The following FAM114A1 variants were observed in gnomAD, a reference collection of about 807,000 sequenced individuals.
The protein encoded by FAM114A1 is protein NOXP20.
FAM114A1 carries 62 observed loss-of-function variants against 64.3 expected under a neutral mutation model. The ratio of observed to expected loss-of-function variants is 0.96; its 90% CI spans 0.79 to 1.19. The LOEUF (loss-of-function observed/expected upper bound fraction) is 1.19, where lower values mean the gene tolerates loss of function less well. Ranked by LOEUF, FAM114A1 falls within the 50% of genes most tolerant of loss-of-function variation. FAM114A1 has a pLI of 0.00. For synonymous variants in FAM114A1, 254 were observed against 251.1 expected (o/e 1.01, Z -0.11); for missense variants, 645 against 676.3 (o/e 0.95, Z 0.51).
In FAM114A1 at chr4:38,868,380, T is replaced by G. The variant is rs1325325216; in HGVS notation, c.-157-18T>G. ...CCTTGACCTCCCCGCTCCCCTCGCC[T>G]TACTCCTCCCCCAACAGCCGACCCA... On this transcript the variant is annotated intron_variant, in intron 1 of 14. Transcript: ENST00000358869. 2 of 152,828 alleles carry G rather than the reference T, an allele frequency of 1.3e-5. No individual in the cohort carries two copies. The highest frequency in any genetic ancestry group is 2.9e-5 in the Non-Finnish European group (2 of 68,484). 9.5% of individuals were successfully genotyped at this position (152,828 alleles called of 1,614,324 possible). A position where few individuals can be genotyped will look rare whatever the true frequency, so the allele number is the denominator to read the frequency against.
chr4:38,900,387 C>T (rs1363723437), intron 4 of FAM114A1, among the ~76,000 whole-genome samples: 1 of 152,070 alleles, frequency 6.6e-6, no homozygotes, highest in African/African-American at 2.4e-5. Flanking sequence ...ACCAATTCCA[C>T]TTCTGATTAT....
chr4:38,942,238 C>T (rs1721632650), intron 14 of FAM114A1, among the ~76,000 whole-genome samples: 1 of 152,134 alleles, frequency 6.6e-6, no homozygotes, highest in Non-Finnish European at 1.5e-5. Context: ...ATATCAGCTA[C>T]CTATATATTT....
intron 13 of FAM114A1, among the ~76,000 whole-genome samples, chr4:38,937,632 G>A (rs1265375549): frequency 6.6e-6 from 1 of 152,154 alleles, no homozygotes; most frequent in African/African-American, 2.4e-5. Flanking sequence ...ATACCAGGAA[G>A]CAATAGAAAC....
At chr4:38,899,588 A>G (rs1202176554) in intron 4 of FAM114A1, among the ~76,000 whole-genome samples, 4 of 152,232 alleles carry the variant, frequency 2.6e-5, no homozygotes, top group African/African-American at 7.2e-5. Flanking sequence ...CAGGTCCAGA[A>G]GACTTATATT....
intron 3 of FAM114A1, among the ~76,000 whole-genome samples, chr4:38,879,876 C>G (rs1329077077): frequency 1.3e-5 from 2 of 151,884 alleles, no homozygotes; most frequent in African/African-American, 4.8e-5. Flanking sequence ...GTATTGAAGC[C>G]TGGGCAATGT....
At chr4:38,896,332 T>C (rs970478781) in intron 4 of FAM114A1, among the ~76,000 whole-genome samples, 1 of 152,172 alleles carries the variant, frequency 6.6e-6, no homozygotes, top group Non-Finnish European at 1.5e-5. Context: ...ACTGCATATT[T>C]TGGAGATTTC....
chr4:38,908,387 T>C (rs989354666), intron 6 of FAM114A1, among the ~76,000 whole-genome samples: 1 of 152,204 alleles, frequency 6.6e-6, no homozygotes. Context: ...TTAATAACAT[T>C]GTATGTCCTA....
intron 6 of FAM114A1, among the ~76,000 whole-genome samples, chr4:38,907,598 C>G (rs909137629): frequency 2.6e-5 from 4 of 152,124 alleles, no homozygotes; most frequent in Non-Finnish European, 5.9e-5. Flanking sequence ...TGATTTACAG[C>G]ATGATTACTG....
At chr4:38,895,411 G>A (rs1256428509) in intron 4 of FAM114A1, among the ~76,000 whole-genome samples, 13 of 152,184 alleles carry the variant, frequency 8.5e-5, no homozygotes, top group African/African-American at 2.9e-4. Flanking sequence ...TTTTAAAGAC[G>A]CTCCTGATTA....
Position 38,929,480 on chromosome 4 carries a change from A to G in FAM114A1, c.1161+147A>G, listed in dbSNP as rs1398013961. 6 of 641,320 alleles carry G rather than the reference A, an allele frequency of 9.4e-6. No individual in the cohort carries two copies. In the East Asian group the frequency reaches 1.4e-4, roughly 15 times the overall value. The allele number at this position is 641,320 out of a possible 1,614,324, so 39.7% of individuals were successfully genotyped here. A position where few individuals can be genotyped will look rare whatever the true frequency, so the allele number is the denominator to read the frequency against. ...CCGGGAGAGGAGTTTGAGGTCAGTA[A>G]TTAAGATTTGAGGAGGGGCTGGGCA... On this transcript the variant is annotated intron_variant, in intron 10 of 14. Transcript: ENST00000358869.
chr4:38,878,220 C>T lies in FAM114A1; in HGVS notation c.142C>T (p.Pro48Ser). 1 of 1,614,212 alleles carries T rather than the reference C, an allele frequency of 6.2e-7. No homozygotes were observed. Among genetic ancestry groups the T allele is most frequent in the South Asian group, 1.1e-5 (1 of 91,090 alleles). Residue 48 changes from proline to serine, a missense_variant, in exon 3 of 15, where the codon CCC (proline) becomes TCC (serine). Coordinates refer to ENST00000358869, the MANE Select transcript of FAM114A1 (RefSeq NM_138389.4). ...AVSHEPTPAD[P>S]RGEGHENAAV... is the part of the protein sequence containing the mutation. The stretch of plus-strand genomic sequence containing the variant: ...TTCACATGAGCCAACACCAGCTGAC[C>T]CCAGAGGGGAGGGGCATGAAAATGC...
chr4:38,904,500 C>A (rs1360218172), intron 4 of FAM114A1, among the ~76,000 whole-genome samples: 1 of 152,206 alleles, frequency 6.6e-6, no homozygotes, highest in Non-Finnish European at 1.5e-5. Flanking sequence ...AGGGTATTAT[C>A]CCTGCTTAGA....
At chr4:38,884,112 A>G (rs1457011509) in intron 3 of FAM114A1, among the ~76,000 whole-genome samples, 2 of 152,214 alleles carry the variant, frequency 1.3e-5, no homozygotes, top group African/African-American at 4.8e-5. Flanking sequence ...AGCAAGAGCT[A>G]GTTGGGGTAC....
At chr4:38,880,297 GT>G (rs1319593807) in intron 3 of FAM114A1, among the ~76,000 whole-genome samples, 2 of 152,136 alleles carry the variant, frequency 1.3e-5, no homozygotes, top group East Asian at 1.9e-4. Context: ...AGAATAATTA[GT>G]TTAGGCTAAA....
chr4:38,894,508 C>G (rs114745739), intron 4 of FAM114A1, among the ~76,000 whole-genome samples: 1 of 152,150 alleles, frequency 6.6e-6, no homozygotes, highest in South Asian at 2.1e-4. Context: ...ATGTCAGCAC[C>G]ATCTACTGGT....
intron 7 of FAM114A1, 120 bp downstream of exon 7, chr4:38,908,846 A>G: frequency 9.3e-7 from 1 of 1,073,640 alleles, no homozygotes; most frequent in Non-Finnish European, 1.3e-6. Flanking sequence ...ACCAAAGAGC[A>G]GAGAGAGAAA....
chr4:38,931,286 C>T (rs1038299015), intron 10 of FAM114A1, among the ~76,000 whole-genome samples, 165 bp from the exon 11 acceptor site: 2 of 152,138 alleles, frequency 1.3e-5, no homozygotes, highest in African/African-American at 2.4e-5. Flanking sequence ...AAAGCAACAA[C>T]AAGGTTATCT....
intron 10 of FAM114A1, 42 bp downstream of exon 10, chr4:38,929,375 AGTG>A: frequency 7.0e-7 from 1 of 1,422,254 alleles, no homozygotes; most frequent in Non-Finnish European, 9.9e-7. Context: ...AAAAAAAAAC[AGTG>A]CAGGGGAGAG....
chr4:38,908,785 A>C, intron 7 of FAM114A1, 59 bp downstream of exon 7: 1 of 1,450,058 alleles, frequency 6.9e-7, no homozygotes, highest in East Asian at 2.5e-5. Context: ...TAAATTTTTT[A>C]TTTATCTTTT....
Sources: allele counts gnomAD v4.1 joint callset (sites outside exome capture counted in the v4.1 genomes callset), GRCh38; gene constraint gnomAD v4.1.1; transcripts MANE v1.5; gene names NCBI Gene and HGNC (gene_info 2026-07-23, HGNC 2026-07-21).